The following NDE1 variants were observed in gnomAD, a reference collection of about 807,000 sequenced individuals.
The protein encoded by NDE1 is nudE neurodevelopment protein 1, also known as nuclear distribution protein nudE homolog 1.
A neutral mutation model predicts 43.4 loss-of-function variants in NDE1; 28 were observed. The observed-to-expected ratio is 0.65, with a 90% CI of 0.48 to 0.89. The LOEUF is 0.89. Among genes scored for constraint, NDE1 ranks in the 40% least tolerant of loss-of-function variants. NDE1 has a pLI of 0.00. For missense variants in NDE1, 441 were observed against 434.1 expected, an observed-to-expected ratio of 1.02 and a Z score of -0.14; for synonymous variants, 184 against 172.0, an observed-to-expected ratio of 1.07 and a Z score of -0.55.
At chr16:15,723,955 A>G (rs545025648) in intron 8 of NDE1, among the ~76,000 whole-genome samples, 6 of 152,342 alleles carry the variant, frequency 3.9e-5, no homozygotes, top group African/African-American at 1.4e-4. Flanking sequence ...AGTCACAGTC[A>G]TCAAGGCTTC....
intron 4 of NDE1, among the ~76,000 whole-genome samples, chr16:15,685,081 A>G (rs1475070188): frequency 6.6e-6 from 1 of 152,228 alleles, no homozygotes; most frequent in Non-Finnish European, 1.5e-5. Context: ...CTGCATGATA[A>G]TGGGTCTTCC....
At chr16:15,712,214 A>T (rs542504531) in intron 8 of NDE1, among the ~76,000 whole-genome samples, 1 of 152,280 alleles carries the variant, frequency 6.6e-6, no homozygotes, top group Admixed American at 6.5e-5. Flanking sequence ...CCTATTAGAC[A>T]TCCATGTGGG....
intron 8 of NDE1, among the ~76,000 whole-genome samples, chr16:15,705,933 C>T (rs1406341467): frequency 2.2e-5 from 3 of 136,444 alleles, no homozygotes; most frequent in Non-Finnish European, 3.1e-5. Flanking sequence ...TGCAGTGAGC[C>T]GAGATGTGGC....
At position 15,703,995 on chromosome 16, in the gene NDE1, T is replaced by C; in HGVS notation, c.947+7135T>C. Reference sequence around the variant, plus strand: ...TGCAAAACTGTAGAAAGTTGCTTATTCACTGGCCTTGGTTCCATTGAAGTC... The same window carrying C: ...TGCAAAACTGTAGAAAGTTGCTTATCCACTGGCCTTGGTTCCATTGAAGTC... On this transcript the variant is annotated intron_variant, in intron 8 of 8. Transcript: ENST00000396354. 1.2e-6 allele frequency: 2 copies of C among 1,614,144 alleles called. No homozygotes were observed. Among genetic ancestry groups the C allele is most frequent in the Non-Finnish European group, 1.7e-6 (2 of 1,180,010 alleles).
At chr16:15,644,918 CT>C (rs34053597) in intron 1 of NDE1, among the ~76,000 whole-genome samples, 2,532 of 129,588 alleles carry the variant, frequency 0.02, 41 homozygotes, top group East Asian at 0.085. Flanking sequence ...TTCCTTTTTA[CT>C]TTTTTTTTTT....
At chr16:15,718,826 G>T in intron 8 of NDE1, 2 of 406,684 alleles carry the variant, frequency 4.9e-6, no homozygotes, top group South Asian at 4.7e-5. Flanking sequence ...GTCAGCAGCA[G>T]CATTGAAATG....
intron 1 of NDE1, among the ~76,000 whole-genome samples, chr16:15,655,881 A>G (rs2036736771): frequency 6.6e-6 from 1 of 151,080 alleles, no homozygotes; most frequent in African/African-American, 2.4e-5. Context: ...TTGCAAGAAC[A>G]AAAAACCAAA....
At chr16:15,694,132 G>C (rs1229160600) in intron 6 of NDE1, 33 bp from the exon 7 acceptor site, 26 of 1,610,420 alleles carry the variant, frequency 1.6e-5, no homozygotes, top group Non-Finnish European at 2.2e-5. Context: ...CTATAGGTTG[G>C]TGAGTTACAT....
At chr16:15,645,146 C>G (rs1231313161) in intron 1 of NDE1, among the ~76,000 whole-genome samples, 1 of 152,130 alleles carries the variant, frequency 6.6e-6, no homozygotes, top group East Asian at 1.9e-4. Flanking sequence ...TCTCGAACTC[C>G]TAGCCTCAAG....
chr16:15,706,165 C>A (rs1013434567), intron 8 of NDE1, among the ~76,000 whole-genome samples: 5 of 152,080 alleles, frequency 3.3e-5, no homozygotes, highest in Admixed American at 6.6e-5. Flanking sequence ...AAAGCTGCAG[C>A]CACTTCAAAG....
intron 8 of NDE1, among the ~76,000 whole-genome samples, chr16:15,706,418 T>G (rs2039459308): frequency 6.6e-6 from 1 of 151,932 alleles, no homozygotes; most frequent in Non-Finnish European, 1.5e-5. Flanking sequence ...CAAACCCTGA[T>G]GGGTTGGCCA....
At chr16:15,719,541 G>T in intron 8 of NDE1, 1 of 1,612,512 alleles carries the variant, frequency 6.2e-7, no homozygotes, top group Non-Finnish European at 8.5e-7. Context: ...GGGTGCTACC[G>T]TGACACCCGC....
intron 8 of NDE1, chr16:15,714,452 C>T (rs951101127): frequency 9.8e-6 from 2 of 203,472 alleles, no homozygotes; most frequent in South Asian, 9.7e-5. Context: ...TGGGGAATGT[C>T]GGACAGCCCC....
intron 8 of NDE1, among the ~76,000 whole-genome samples, chr16:15,704,401 A>C (rs1055503785): frequency 2.0e-5 from 3 of 152,134 alleles, no homozygotes; most frequent in African/African-American, 7.2e-5. Context: ...TCTGCTTTTC[A>C]ATATGTCAGG....
At chr16:15,662,879 T>C (rs2037119207) in intron 1 of NDE1, among the ~76,000 whole-genome samples, 1 of 152,144 alleles carries the variant, frequency 6.6e-6, no homozygotes, top group African/African-American at 2.4e-5. Flanking sequence ...GCACCTGGCC[T>C]CCACCTTCCT....
intron 8 of NDE1, chr16:15,718,737 C>T: frequency 5.9e-6 from 3 of 508,704 alleles, no homozygotes; most frequent in Non-Finnish European, 1.1e-5. Context: ...TGAAAGCAGC[C>T]ACACCCCCAA....
At chr16:15,709,715 A>C (rs2039671338) in intron 8 of NDE1, among the ~76,000 whole-genome samples, 1 of 152,224 alleles carries the variant, frequency 6.6e-6, no homozygotes, top group African/African-American at 2.4e-5. Flanking sequence ...AAGTAAAAGC[A>C]TTTGAGCAAG....
chr16:15,687,283 G>A, intron 4 of NDE1, 92 bp from the exon 5 acceptor site: 1 of 1,605,446 alleles, frequency 6.2e-7, no homozygotes, highest in Non-Finnish European at 8.5e-7. Context: ...TTGTGCCCAG[G>A]TGTGTCTGAC....
At position 15,724,644 on chromosome 16, in the gene NDE1, C is replaced by A; in HGVS notation, c.*393C>A. On this transcript the variant is annotated 3_prime_UTR_variant, in exon 9 of 9. Coordinates refer to ENST00000396354, the MANE Select transcript of NDE1 (RefSeq NM_017668.3). Reference sequence around the variant, plus strand: ...GAAGGAAGCAAGGACACGGGGCAGGCACCTGGATGTTGAGAGTGGAGATGT... The same window carrying A: ...GAAGGAAGCAAGGACACGGGGCAGGAACCTGGATGTTGAGAGTGGAGATGT... The A allele has an allele frequency of 6.2e-7, 1 of 1,613,944 alleles. No individual in the cohort carries two copies. Among genetic ancestry groups the A allele is most frequent in the Non-Finnish European group, 8.5e-7 (1 of 1,180,022 alleles).
Sources: gnomAD v4.1 joint callset for allele counts (sites outside exome capture counted in the v4.1 genomes callset) on GRCh38, gnomAD v4.1.1 for gene constraint, MANE v1.5 for transcripts, NCBI Gene and HGNC (gene_info 2026-07-23, HGNC 2026-07-21) for gene names.